Variants in OSTN observed in about 807,000 individuals in gnomAD.
OSTN encodes osteocrin.
In OSTN, 9 loss-of-function variants were observed where a neutral mutation model predicts 12.0. The ratio of observed to expected loss-of-function variants is 0.75; its 90% CI spans 0.45 to 1.30. The LOEUF (loss-of-function observed/expected upper bound fraction) is 1.30. Ranked by LOEUF, OSTN falls within the 50% of genes most tolerant of loss-of-function variation. OSTN has a pLI of 0.00. For synonymous variants in OSTN, 59 were observed against 56.9 expected (o/e 1.04, Z -0.16); for missense variants, 148 against 152.3 (o/e 0.97, Z 0.15).
At chr3:191,215,007 G>A (rs1382701420) in intron 2 of OSTN, among the ~76,000 whole-genome samples, 5 of 152,146 alleles carry the variant, frequency 3.3e-5, no homozygotes, top group African/African-American at 1.2e-4. Flanking sequence ...GTGAGACTTT[G>A]TCTCAAAACA....
intron 1 of OSTN, among the ~76,000 whole-genome samples, chr3:191,211,918 C>A (rs1045500959): frequency 6.6e-6 from 1 of 151,796 alleles, no homozygotes; most frequent in African/African-American, 2.4e-5. Context: ...TGTATATATT[C>A]AATATATCTT....
chr3:191,241,247 C>A (rs913435996), intron 3 of OSTN, among the ~76,000 whole-genome samples: 1 of 128,868 alleles, frequency 7.8e-6, no homozygotes, highest in African/African-American at 2.8e-5. Flanking sequence ...GGCGCGATCT[C>A]GGCTTACTGC....
At chr3:191,225,712 A>C (rs1425156865) in intron 3 of OSTN, among the ~76,000 whole-genome samples, 1 of 152,164 alleles carries the variant, frequency 6.6e-6, no homozygotes, top group Non-Finnish European at 1.5e-5. Flanking sequence ...TTCTAACTGA[A>C]TTAATACAGA....
At chr3:191,225,321 C>T (rs185805905) in intron 3 of OSTN, among the ~76,000 whole-genome samples, 1 of 152,198 alleles carries the variant, frequency 6.6e-6, no homozygotes, top group Admixed American at 6.5e-5. Context: ...ATTTTATTTA[C>T]CGTTTTTATT....
chr3:191,255,163 T>C (rs562267468), intron 4 of OSTN, among the ~76,000 whole-genome samples: 1 of 152,074 alleles, frequency 6.6e-6, no homozygotes, highest in Non-Finnish European at 1.5e-5. Context: ...CCTAGATCCC[T>C]TGCATGAACA....
rs1358977861 is a variant in OSTN, at chr3:191,263,495, TTTCC to T, written c.*643_*646del. 5 of 152,168 alleles carry T rather than the reference TTTCC, an allele frequency of 3.3e-5. No homozygotes were observed. Among genetic ancestry groups the T allele is most frequent in the Admixed American group, 2.0e-4 (3 of 15,272 alleles). The allele number at this position is 152,168 out of a possible 1,614,324, so 9.4% of individuals were successfully genotyped here. The stretch of plus-strand genomic sequence containing the variant: ...TAGATATCACTTGTCCCCTAAAAAC[TTTCC>T]ATTTTTCTAAATTCTGACAGTTAAG... On this transcript the variant is annotated 3_prime_UTR_variant, in exon 5 of 5. Transcript: ENST00000682035.
At chr3:191,249,101 T>C (rs1469169026) in intron 3 of OSTN, among the ~76,000 whole-genome samples, 1 of 152,250 alleles carries the variant, frequency 6.6e-6, no homozygotes, top group Non-Finnish European at 1.5e-5. Flanking sequence ...ATGTATATTT[T>C]GTCAACAATA....
intron 4 of OSTN, among the ~76,000 whole-genome samples, chr3:191,254,384 G>T (rs895535014): frequency 6.6e-6 from 1 of 152,196 alleles, no homozygotes; most frequent in Non-Finnish European, 1.5e-5. Flanking sequence ...AGGCGTGAAG[G>T]TTGTTTACAT....
intron 1 of OSTN, among the ~76,000 whole-genome samples, chr3:191,211,388 T>C (rs1714413394): frequency 6.6e-6 from 1 of 152,206 alleles, no homozygotes; most frequent in Non-Finnish European, 1.5e-5. Context: ...TCTCAATTAA[T>C]AAATCTATTT....
At chr3:191,208,882 A>G (rs946662388) in intron 1 of OSTN, among the ~76,000 whole-genome samples, 1 of 152,196 alleles carries the variant, frequency 6.6e-6, no homozygotes, top group African/African-American at 2.4e-5. Context: ...ATCAGGCCAG[A>G]CGTGGTGGCT....
At chr3:191,251,150 A>C (rs1274312504) in intron 4 of OSTN, among the ~76,000 whole-genome samples, 1 of 151,584 alleles carries the variant, frequency 6.6e-6, no homozygotes, top group Non-Finnish European at 1.5e-5. Context: ...ATTAGTTAAT[A>C]TTATCATTAT....
chr3:191,247,399 G>A (rs1025224615), intron 3 of OSTN, among the ~76,000 whole-genome samples: 1 of 152,174 alleles, frequency 6.6e-6, no homozygotes, highest in African/African-American at 2.4e-5. Context: ...ATCTGAAGAA[G>A]GGAGGCAAGG....
chr3:191,219,768 A>T (rs1714716498), intron 3 of OSTN, among the ~76,000 whole-genome samples: 1 of 152,212 alleles, frequency 6.6e-6, no homozygotes. Flanking sequence ...CTCATCCTGA[A>T]CATTTCTCAC....
At chr3:191,261,149 G>A (rs1390798614) in intron 4 of OSTN, among the ~76,000 whole-genome samples, 2 of 152,266 alleles carry the variant, frequency 1.3e-5, no homozygotes, top group East Asian at 3.9e-4. Context: ...GCTGCTCACT[G>A]CACCCAACTG....
rs574953052 is a variant in OSTN at position 191,245,138 on chromosome 3, C to T, written c.318-4899C>T. 3.3e-5 allele frequency among the ~76,000 whole-genome samples: 5 copies of T among 152,268 alleles called. No individual in the cohort carries two copies. In the South Asian group the frequency reaches 1.0e-3, roughly 32 times the overall value. On this transcript the variant is annotated intron_variant, in intron 3 of 4. Coordinates refer to ENST00000682035, the MANE Select transcript of OSTN (RefSeq NM_198184.2). ...TAACTACAAATTGAAAACCACTGGA[C>T]TAGACTGGTAGGAAAAATTAGTATC...
At chr3:191,207,386 TG>T (rs1349201057) in intron 1 of OSTN, among the ~76,000 whole-genome samples, 2 of 119,800 alleles carry the variant, frequency 1.7e-5, no homozygotes, top group African/African-American at 7.4e-5. Flanking sequence ...ACACCTGAGT[TG>T]TTTTTTTTTT....
At chr3:191,254,767 T>G in intron 4 of OSTN, among the ~76,000 whole-genome samples, 1 of 152,364 alleles carries the variant, frequency 6.6e-6, no homozygotes, top group South Asian at 2.1e-4. Flanking sequence ...ATTATTTGCA[T>G]GAAGTACAGC....
At chr3:191,255,712 A>G (rs1421468913) in intron 4 of OSTN, among the ~76,000 whole-genome samples, 1 of 152,142 alleles carries the variant, frequency 6.6e-6, no homozygotes, top group Non-Finnish European at 1.5e-5. Context: ...ATAGCCCTAA[A>G]AAAAGTGTTT....
chr3:191,219,085 A>ATGT (rs1448603784), intron 3 of OSTN, 124 bp downstream of exon 3: 5 of 852,292 alleles, frequency 5.9e-6, no homozygotes, highest in Non-Finnish European at 8.9e-6. Context: ...ATTTGACGGT[A>ATGT]TGTTAGCTAA....
Sources: allele counts gnomAD v4.1 joint callset (sites outside exome capture counted in the v4.1 genomes callset), GRCh38; gene constraint gnomAD v4.1.1; transcripts MANE v1.5; gene names NCBI Gene and HGNC (gene_info 2026-07-23, HGNC 2026-07-21).